VPS13B: variants seen among roughly 807,000 people sequenced by gnomAD.
VPS13B encodes the protein intermembrane lipid transfer protein VPS13B.
VPS13B carries 285 observed loss-of-function variants against 426.4 expected under a neutral mutation model. The ratio of observed to expected loss-of-function variants is 0.67; its 90% confidence interval spans 0.61 to 0.74. The LOEUF is 0.74. Among genes scored for constraint, VPS13B ranks in the 30% least tolerant of loss-of-function variants. VPS13B has a pLI of 0.00. For synonymous variants in VPS13B, 1,676 were observed against 1,676.4 expected (o/e 1.00, Z 0.01); for missense variants, 4,537 against 4,782.6 (o/e 0.95, Z 1.51).
intron 6 of VPS13B, among the ~76,000 whole-genome samples, chr8:99,113,710 G>A (rs1377666061): frequency 6.6e-6 from 1 of 151,994 alleles, no homozygotes; most frequent in Admixed American, 6.5e-5. Context: ...GATTACAGGC[G>A]CCGGCCACCA....
At chr8:99,360,210 CTTTCTT>C (rs367962711) in intron 19 of VPS13B, among the ~76,000 whole-genome samples, 385 of 20,978 alleles carry the variant, frequency 0.018, 4 homozygotes, top group East Asian at 0.029. Flanking sequence ...CTCTCTCTCT[CTTTCTT>C]TCTTTCTTTC....
At chr8:99,038,921 G>A (rs927600646) in intron 3 of VPS13B, among the ~76,000 whole-genome samples, 5 of 151,892 alleles carry the variant, frequency 3.3e-5, no homozygotes, top group African/African-American at 7.3e-5. Context: ...TCTTGACCTC[G>A]TGATCTGCCC....
At chr8:99,209,033 C>A (rs1360540000) in intron 17 of VPS13B, among the ~76,000 whole-genome samples, 11 of 152,192 alleles carry the variant, frequency 7.2e-5, no homozygotes, top group Admixed American at 6.5e-4. Context: ...GTAATCCCAG[C>A]ACTTTGGGAG....
intron 19 of VPS13B, among the ~76,000 whole-genome samples, chr8:99,312,425 T>C (rs183103768): frequency 6.6e-5 from 10 of 152,368 alleles, no homozygotes; most frequent in Non-Finnish European, 1.2e-4. Flanking sequence ...CCTTCACTTA[T>C]CAAGCTTAGT....
rs768466519 is a variant in VPS13B at position 99,642,193 on chromosome 8, C to T, written c.5603C>T (p.Ser1868Phe). ...GCTAAGCCCAACCAGGCATGTATTT[C>T]CACGGTGACAGCAGAAGATCTCTTA... Reference protein sequence around the residue: ...DVAKPNQACISTVTAEDLLRS... With the variant: ...DVAKPNQACIFTVTAEDLLRS... The change falls in exon 34 of 62, where the codon TCC becomes TTC. Residue 1868 changes from serine (S) to phenylalanine (F), a missense_variant. By Grantham distance (155) the Ser-to-Phe change is radical. Transcript: ENST00000357162. 11 of 1,614,104 alleles carry T rather than the reference C, an allele frequency of 6.8e-6. No individual in the cohort carries two copies. Among genetic ancestry groups the T allele is most frequent in the African/African-American group, 1.3e-5 (1 of 75,036 alleles).
At chr8:99,249,951 C>T (rs1238489201) in intron 17 of VPS13B, among the ~76,000 whole-genome samples, 1 of 152,114 alleles carries the variant, frequency 6.6e-6, no homozygotes, top group Non-Finnish European at 1.5e-5. Context: ...AAACAGTTTT[C>T]AGGAGCGGCT....
chr8:99,555,392 G>A (rs1192982993), intron 30 of VPS13B, among the ~76,000 whole-genome samples: 2 of 151,982 alleles, frequency 1.3e-5, no homozygotes, highest in Admixed American at 6.6e-5. Context: ...AATAAGTTTC[G>A]TTAGTGTTCA....
chr8:99,574,788 C>A (rs1825688487), intron 31 of VPS13B, among the ~76,000 whole-genome samples: 1 of 152,132 alleles, frequency 6.6e-6, no homozygotes, highest in South Asian at 2.1e-4. Context: ...AACTTCATTT[C>A]CTTACAGATA....
rs746642412 is a variant in VPS13B, at chr8:99,642,141, A to C, written c.5551A>C (p.Asn1851His). ...NNEKTDKSSL[N>H]LPEVDSDVAK... is the part of the protein sequence containing the mutation. ...TGAAAAAACAGACAAGAGTTCATTA[A>C]ATCTCCCAGAAGTTGATTCAGATGT... The change falls in exon 34 of 62, where the codon AAT becomes CAT. Residue 1851 changes from asparagine to histidine, a missense_variant. By Grantham distance (68) the Asn-to-His change is moderately conservative. Transcript: ENST00000357162. 6.2e-7 allele frequency: 1 copy of C among 1,614,198 alleles called. No homozygotes were observed. Among genetic ancestry groups the C allele is most frequent in the Non-Finnish European group, 8.5e-7 (1 of 1,180,024 alleles).
chr8:99,135,075 A>G lies in VPS13B; in HGVS notation c.1363A>G (p.Met455Val). The change falls in exon 10 of 62, where the codon ATG becomes GTG. Residue 455 changes from methionine (M) to valine (V), a missense_variant. Transcript: ENST00000357162. ...CQIGFVGCRA[M>V]CLKGIMGVKD... ...GATTGGGTTTGTTGGTTGCAGAGCC[A>G]TGTGCCTTAAAGGAATTATGGGTGT... 3 of 1,613,644 alleles carry G rather than the reference A, an allele frequency of 1.9e-6. No homozygotes were observed. Among genetic ancestry groups the G allele is most frequent in the Non-Finnish European group, 1.7e-6 (2 of 1,179,662 alleles).
At chr8:99,088,632 G>T (rs139559242) in intron 3 of VPS13B, among the ~76,000 whole-genome samples, 54 of 152,172 alleles carry the variant, frequency 3.5e-4, no homozygotes, top group African/African-American at 1.2e-3. Flanking sequence ...ATAATCTATT[G>T]CTAATGTTTC....
At chr8:99,057,580 T>G (rs1843947026) in intron 3 of VPS13B, among the ~76,000 whole-genome samples, 1 of 152,182 alleles carries the variant, frequency 6.6e-6, no homozygotes, top group Admixed American at 6.5e-5. Flanking sequence ...TTAGTTATCA[T>G]TATATATTTT....
intron 19 of VPS13B, among the ~76,000 whole-genome samples, chr8:99,298,480 A>G (rs1308879015): frequency 6.6e-6 from 1 of 152,168 alleles, no homozygotes; most frequent in Non-Finnish European, 1.5e-5. Context: ...CAAGAGTGAA[A>G]CTTGGTCTCA....
At chr8:99,450,223 G>A (rs1257024728) in intron 23 of VPS13B, among the ~76,000 whole-genome samples, 1 of 152,120 alleles carries the variant, frequency 6.6e-6, no homozygotes, top group African/African-American at 2.4e-5. Flanking sequence ...AAAAAGGATG[G>A]TTCCTGAATG....
rs571623025 is a variant in VPS13B, at chr8:99,084,111, A to G, written c.292-12201A>G. Among the ~76,000 whole-genome samples the G allele has an allele frequency of 1.5e-4, 23 of 152,224 alleles. No individual in the cohort carries two copies. In the East Asian group the frequency reaches 4.2e-3, roughly 28 times the overall value. ...CTGGACTTTTTTTGGTTGGTAAGCTATTAATTATTGCCTCAATTTCAGAGC... is the reference window on the plus strand; with the variant it reads ...CTGGACTTTTTTTGGTTGGTAAGCTGTTAATTATTGCCTCAATTTCAGAGC... On this transcript the variant is annotated intron_variant, in intron 3 of 61. Coordinates refer to ENST00000357162, the MANE Select transcript of VPS13B (RefSeq NM_152564.5).
chr8:99,865,173 C>T (rs888178753), intron 58 of VPS13B, among the ~76,000 whole-genome samples: 2 of 152,156 alleles, frequency 1.3e-5, no homozygotes, highest in Non-Finnish European at 2.9e-5. Flanking sequence ...CTCCGTTTAG[C>T]CTGCAGTATT....
chr8:99,808,782 C>T (rs897766309), intron 43 of VPS13B, among the ~76,000 whole-genome samples: 5 of 143,450 alleles, frequency 3.5e-5, no homozygotes, highest in Non-Finnish European at 7.5e-5. Context: ...GTAAATGTTA[C>T]AATAAGTACA....
At position 99,467,688 on chromosome 8, in the gene VPS13B, A is replaced by G. The variant is rs564503001; in HGVS notation, c.3666+54A>G. On this transcript the variant is annotated intron_variant, in intron 24 of 61. Transcript: ENST00000357162. The stretch of plus-strand genomic sequence containing the variant: ...TTTAAAGTAATGTGATTTAAAAGCA[A>G]TTGTTATCCATTTTGTTGAAGGGTT... 65 of 1,557,940 alleles carry G rather than the reference A, an allele frequency of 4.2e-5. 1 individual carries two copies. In the South Asian group the frequency reaches 5.6e-4, roughly 13 times the overall value.
intron 19 of VPS13B, among the ~76,000 whole-genome samples, chr8:99,291,876 A>G (rs1819754132): frequency 1.3e-5 from 2 of 152,146 alleles, no homozygotes; most frequent in African/African-American, 4.8e-5. Context: ...CCATAAAAGT[A>G]AAAAATATAT....
Sources: allele counts gnomAD v4.1 joint callset (sites outside exome capture counted in the v4.1 genomes callset), GRCh38; gene constraint gnomAD v4.1.1; transcripts MANE v1.5; gene names NCBI Gene and HGNC (gene_info 2026-07-23, HGNC 2026-07-21).